DIAPH1: variants seen among roughly 807,000 people sequenced by gnomAD.
DIAPH1 encodes the protein protein diaphanous homolog 1.
In DIAPH1, 46 loss-of-function variants were observed where a neutral mutation model predicts 140.7. That is an observed-to-expected ratio of 0.33 (90% CI 0.26 to 0.42). The LOEUF is 0.42. DIAPH1 is among the 10% of genes least tolerant of loss of function. The pLI, the probability that DIAPH1 is intolerant of heterozygous loss-of-function variation, is 1.00. For missense variants in DIAPH1, 1,310 were observed against 1,558.7 expected (o/e 0.84, Z 2.69); for synonymous variants, 565 against 551.6 (o/e 1.02, Z -0.34).
In DIAPH1 at chr5:141,595,811, G is replaced by A. The variant is rs1596400615; in HGVS notation, c.118-7561C>T. ...GATACACCATGCACGTGTGTGGGCA[G>A]CGATATATTGGAAATCTCTATACCT... On this transcript the variant is annotated intron_variant, in intron 1 of 27. Transcript: ENST00000389054. 2.0e-5 allele frequency among the ~76,000 whole-genome samples: 3 copies of A among 152,154 alleles called. No homozygotes were observed. In the East Asian group the frequency reaches 5.8e-4, roughly 29 times the overall value.
intron 1 of DIAPH1, among the ~76,000 whole-genome samples, chr5:141,597,142 A>G (rs2099899451): frequency 6.6e-6 from 1 of 152,234 alleles, no homozygotes; most frequent in Non-Finnish European, 1.5e-5. Flanking sequence ...CAAGGAAATA[A>G]AGAAAATTTC....
At chr5:141,586,937 G>C (rs1269582649) in intron 3 of DIAPH1, 105 bp downstream of exon 3, 10 of 1,216,286 alleles carry the variant, frequency 8.2e-6, no homozygotes, top group African/African-American at 1.5e-5. Flanking sequence ...GTTAAGCCTG[G>C]AATTCTTTGT....
Position 141,572,056 on chromosome 5 carries a change from G to A in DIAPH1, c.2359-16C>T, listed in dbSNP as rs2154596206. 15 of 1,580,606 alleles carry A rather than the reference G, an allele frequency of 9.5e-6. No homozygotes were observed. Among genetic ancestry groups the A allele is most frequent in the Non-Finnish European group, 1.3e-5 (15 of 1,149,392 alleles). On this transcript the variant is annotated splice_polypyrimidine_tract_variant and intron_variant, in intron 16 of 27. Coordinates refer to ENST00000389054, the MANE Select transcript of DIAPH1 (RefSeq NM_005219.5). The stretch of plus-strand genomic sequence containing the variant: ...CAGCCACAAGCTGTGGATAAAGGCA[G>A]GGTGTTAAGAATTAGTAAACTGAGC...
intron 18 of DIAPH1, among the ~76,000 whole-genome samples, chr5:141,567,338 A>C (rs530677460): frequency 1.3e-5 from 2 of 152,302 alleles, no homozygotes; most frequent in African/African-American, 2.4e-5. Context: ...TTCCATGTGA[A>C]GAAGTTCTGG....
At chr5:141,517,407 T>C (rs568079714) in intron 27 of DIAPH1, among the ~76,000 whole-genome samples, 7 of 152,330 alleles carry the variant, frequency 4.6e-5, no homozygotes, top group African/African-American at 1.4e-4. Context: ...ATTTTTGTTT[T>C]CTTGACAGGT....
chr5:141,552,609 C>T (rs577531720), intron 18 of DIAPH1, among the ~76,000 whole-genome samples: 5 of 152,298 alleles, frequency 3.3e-5, no homozygotes, highest in Admixed American at 3.3e-4. Flanking sequence ...GCCTCCAGAA[C>T]TGTAAGATAA....
chr5:141,615,648 CAGA>C (rs983328366), intron 1 of DIAPH1, among the ~76,000 whole-genome samples: 157 of 151,928 alleles, frequency 1.0e-3, no homozygotes, highest in African/African-American at 3.7e-3. Flanking sequence ...GAGGCTGAGG[CAGA>C]AGAATGGCAT....
chr5:141,539,327 A>G (rs1320333401), intron 18 of DIAPH1, among the ~76,000 whole-genome samples: 1 of 151,546 alleles, frequency 6.6e-6, no homozygotes, highest in Non-Finnish European at 1.5e-5. Flanking sequence ...GAGTTTGCAA[A>G]GAATTAGTGT....
intron 3 of DIAPH1, 87 bp downstream of exon 3, chr5:141,586,955 G>T: frequency 7.3e-7 from 1 of 1,369,708 alleles, no homozygotes; most frequent in Non-Finnish European, 1.0e-6. Flanking sequence ...TGTAATAAAG[G>T]GCTAGTTGGG....
At chr5:141,544,067 T>A (rs1372547691) in intron 18 of DIAPH1, among the ~76,000 whole-genome samples, 1 of 152,050 alleles carries the variant, frequency 6.6e-6, no homozygotes, top group African/African-American at 2.4e-5. Flanking sequence ...TCCCAGCACT[T>A]TGGGAGGCTG....
chr5:141,614,975 C>CTT (rs1008673595), intron 1 of DIAPH1, among the ~76,000 whole-genome samples: 3 of 152,190 alleles, frequency 2.0e-5, no homozygotes, highest in African/African-American at 7.2e-5. Flanking sequence ...AACTCCACTT[C>CTT]TTTCTGCCTG....
intron 20 of DIAPH1, 57 bp from the exon 21 acceptor site, chr5:141,529,330 A>C: frequency 7.1e-7 from 1 of 1,399,062 alleles, no homozygotes; most frequent in Non-Finnish European, 1.0e-6. Context: ...ACTCAAGCCT[A>C]AACAACTTTT....
At chr5:141,517,738 G>A (rs139421179) in intron 27 of DIAPH1, among the ~76,000 whole-genome samples, 4 of 152,292 alleles carry the variant, frequency 2.6e-5, no homozygotes, top group African/African-American at 9.6e-5. Context: ...AGATGGACAG[G>A]AGAGGACCCC....
chr5:141,616,758 T>A (rs2099902753), intron 1 of DIAPH1, among the ~76,000 whole-genome samples: 1 of 152,232 alleles, frequency 6.6e-6, no homozygotes, highest in Non-Finnish European at 1.5e-5. Flanking sequence ...TTACCTGAGC[T>A]ATTTAGTTTT....
chr5:141,527,497 A>G, intron 24 of DIAPH1, 76 bp downstream of exon 24: 1 of 1,527,506 alleles, frequency 6.5e-7, no homozygotes, highest in Non-Finnish European at 9.0e-7. Flanking sequence ...TGCCCTATCT[A>G]TCCTGTTTTT....
chr5:141,523,307 T>C (rs1190454984), intron 27 of DIAPH1, among the ~76,000 whole-genome samples: 2 of 152,206 alleles, frequency 1.3e-5, no homozygotes, highest in Non-Finnish European at 2.9e-5. Context: ...CCACCACTCC[T>C]AGCCTCAAAA....
At chr5:141,615,442 A>AAG (rs1188577785) in intron 1 of DIAPH1, among the ~76,000 whole-genome samples, 6 of 146,412 alleles carry the variant, frequency 4.1e-5, no homozygotes, top group African/African-American at 1.5e-4. Flanking sequence ...AAAAAGAAAA[A>AAG]AAAAAAAAAA....
chr5:141,573,068 T>C (rs1019649301), intron 16 of DIAPH1, among the ~76,000 whole-genome samples: 3 of 152,204 alleles, frequency 2.0e-5, no homozygotes, highest in South Asian at 2.1e-4. Context: ...AGCTTAAAGA[T>C]AGAAAGATGA....
At chr5:141,544,173 G>A (rs2099890431) in intron 18 of DIAPH1, among the ~76,000 whole-genome samples, 1 of 152,094 alleles carries the variant, frequency 6.6e-6, no homozygotes, top group South Asian at 2.1e-4. Context: ...AGCCGGGCGT[G>A]GTGGCGGGCA....
Sources: allele counts gnomAD v4.1 joint callset (sites outside exome capture counted in the v4.1 genomes callset), GRCh38; gene constraint gnomAD v4.1.1; transcripts MANE v1.5; gene names NCBI Gene and HGNC (gene_info 2026-07-23, HGNC 2026-07-21).